DPP10: variants seen among roughly 807,000 people sequenced by gnomAD.
DPP10 encodes inactive dipeptidyl peptidase 10.
In DPP10, 33 loss-of-function variants were observed where a neutral mutation model predicts 120.9. The ratio of observed to expected loss-of-function variants is 0.27; its 90% confidence interval spans 0.21 to 0.37. The LOEUF is 0.37. DPP10 is among the 10% of genes least tolerant of loss of function. The pLI is 1.00. For synonymous variants in DPP10, 337 were observed against 326.1 expected (o/e 1.03, Z -0.36); for missense variants, 816 against 942.8 (o/e 0.87, Z 1.76).
intron 3 of DPP10, among the ~76,000 whole-genome samples, chr2:115,467,655 G>T (rs1436903754): frequency 3.3e-5 from 5 of 152,068 alleles, no homozygotes; most frequent in African/African-American, 1.2e-4. Context: ...TGATTTAACT[G>T]CTACCTGCAC....
At chr2:115,340,891 G>A (rs2063410226) in intron 2 of DPP10, among the ~76,000 whole-genome samples, 1 of 151,898 alleles carries the variant, frequency 6.6e-6, no homozygotes, top group Non-Finnish European at 1.5e-5. Context: ...TATCAAATAA[G>A]TCAATGTTTA....
At position 115,813,754 on chromosome 2, in the gene DPP10, G is replaced by A. The variant is rs374883989; in HGVS notation, c.1701-1039G>A. ...CTGTAGGAAATCTGATAACTTGAAAGCTTGTTATTGGAGATGATTTGTGTA... is the reference window on the plus strand; with the variant it reads ...CTGTAGGAAATCTGATAACTTGAAAACTTGTTATTGGAGATGATTTGTGTA... On this transcript the variant is annotated intron_variant, in intron 19 of 25. Transcript: ENST00000410059. 2.0e-5 allele frequency among the ~76,000 whole-genome samples: 3 copies of A among 152,174 alleles called. No homozygotes were observed. In the South Asian group the frequency reaches 6.2e-4, roughly 32 times the overall value.
intron 1 of DPP10, among the ~76,000 whole-genome samples, chr2:115,202,266 G>T (rs1366319451): frequency 6.6e-6 from 1 of 151,982 alleles, no homozygotes; most frequent in Non-Finnish European, 1.5e-5. Context: ...AAGCAATAAA[G>T]GCTACTGAAT....
intron 1 of DPP10, among the ~76,000 whole-genome samples, chr2:114,458,101 C>T (rs1410622085): frequency 2.0e-5 from 3 of 151,874 alleles, no homozygotes; most frequent in Non-Finnish European, 4.4e-5. Flanking sequence ...ATTTCATCAT[C>T]CATTCCTGGT....
At chr2:115,431,375 A>C (rs2070965025) in intron 3 of DPP10, among the ~76,000 whole-genome samples, 1 of 152,152 alleles carries the variant, frequency 6.6e-6, no homozygotes, top group African/African-American at 2.4e-5. Flanking sequence ...CCCATGGGGT[A>C]AGATAACCAT....
At position 115,220,897 on chromosome 2, in the gene DPP10, C is replaced by A. The variant is rs1433875605; in HGVS notation, c.61-88342C>A. Reference sequence around the variant, plus strand: ...TATTTCATATGTATACATATATATTCATATATCATATTTATTTTTATATTC... The same window carrying A: ...TATTTCATATGTATACATATATATTAATATATCATATTTATTTTTATATTC... On this transcript the variant is annotated intron_variant, in intron 1 of 25. Coordinates refer to ENST00000410059, the MANE Select transcript of DPP10 (RefSeq NM_020868.6). Among the ~76,000 whole-genome samples, 4 of 149,824 alleles carry A rather than the reference C, an allele frequency of 2.7e-5. No individual in the cohort carries two copies. The Admixed American group carries it at 2.7e-4, about 10-fold the overall frequency.
At chr2:114,488,658 G>A (rs1440044855) in intron 1 of DPP10, among the ~76,000 whole-genome samples, 1 of 152,200 alleles carries the variant, frequency 6.6e-6, no homozygotes, top group Non-Finnish European at 1.5e-5. Flanking sequence ...ATAGCCGTAC[G>A]ATAATTATTT....
intron 1 of DPP10, among the ~76,000 whole-genome samples, chr2:115,013,879 C>A (rs1702443324): frequency 6.6e-6 from 1 of 151,962 alleles, no homozygotes; most frequent in Admixed American, 6.6e-5. Context: ...ACTTAGACCC[C>A]CATGTAATAA....
In DPP10 at chr2:115,232,325, A is replaced by G. The variant is rs202216853; in HGVS notation, c.61-76914A>G. On this transcript the variant is annotated intron_variant, in intron 1 of 25. Transcript: ENST00000410059. ...GTTCTGAGCTTCACCATTTTTCTGG[A>G]AAAAAAAAAAGGTTTTTAGGTGCTT... Among the ~76,000 whole-genome samples, 5 of 46,984 alleles carry G rather than the reference A, an allele frequency of 1.1e-4. No individual in the cohort carries two copies. In the East Asian group the frequency reaches 2.6e-3, roughly 25 times the overall value. 30.8% of individuals were successfully genotyped at this position (46,984 alleles called of 152,430 possible).
chr2:115,231,588 G>T (rs1160878499), intron 1 of DPP10, among the ~76,000 whole-genome samples: 1 of 152,078 alleles, frequency 6.6e-6, no homozygotes, highest in African/African-American at 2.4e-5. Flanking sequence ...AGTTTAAATA[G>T]ATACAAGGAT....
intron 2 of DPP10, among the ~76,000 whole-genome samples, chr2:115,321,870 T>C (rs530413454): frequency 6.6e-6 from 1 of 152,344 alleles, no homozygotes; most frequent in South Asian, 2.1e-4. Context: ...AGAATTTCTG[T>C]GCATGTATGT....
chr2:115,162,128 T>C, intron 1 of DPP10: 5 of 1,523,910 alleles, frequency 3.3e-6, no homozygotes, highest in Non-Finnish European at 4.4e-6. Flanking sequence ...CGCGCCTCCC[T>C]CTTCTCACCC....
chr2:114,638,253 A>T (rs1268217667), intron 1 of DPP10, among the ~76,000 whole-genome samples: 1 of 151,702 alleles, frequency 6.6e-6, no homozygotes, highest in Non-Finnish European at 1.5e-5. Context: ...TGTAAATGAG[A>T]TGTGTTCTTG....
intron 1 of DPP10, among the ~76,000 whole-genome samples, chr2:114,978,510 A>C (rs1699890046): frequency 6.6e-6 from 1 of 152,122 alleles, no homozygotes; most frequent in South Asian, 2.1e-4. Context: ...ATAACAACAT[A>C]GGGATTCTCA....
intron 1 of DPP10, among the ~76,000 whole-genome samples, chr2:114,741,254 G>A (rs1029975820): frequency 5.9e-5 from 9 of 152,158 alleles, no homozygotes; most frequent in Non-Finnish European, 1.3e-4. Flanking sequence ...CAGAACCAAA[G>A]GAGAATATCT....
At position 115,236,178 on chromosome 2, in the gene DPP10, A is replaced by G. The variant is rs187275269; in HGVS notation, c.61-73061A>G. On this transcript the variant is annotated intron_variant, in intron 1 of 25. Transcript: ENST00000410059. ...TGACAGTATGCTATACATTGTCACT[A>G]AACCCCCAAAGAAAACTTAGAGGTA... 1.7e-3 allele frequency among the ~76,000 whole-genome samples: 252 copies of G among 152,332 alleles called. 2 individuals are homozygous for G. The highest frequency in any genetic ancestry group is 5.9e-3 in the African/African-American group (244 of 41,578).
At chr2:115,222,384 A>T (rs2057217106) in intron 1 of DPP10, among the ~76,000 whole-genome samples, 1 of 152,028 alleles carries the variant, frequency 6.6e-6, no homozygotes, top group Admixed American at 6.6e-5. Context: ...GAATTCTCAC[A>T]TGTTGGGAGG....
intron 1 of DPP10, among the ~76,000 whole-genome samples, chr2:115,069,099 A>G (rs746104403): frequency 1.2e-4 from 19 of 152,070 alleles, no homozygotes; most frequent in Non-Finnish European, 2.5e-4. Flanking sequence ...AAATAATACC[A>G]TTGGATTTTT....
chr2:114,799,399 T>C (rs1045217811), intron 1 of DPP10, among the ~76,000 whole-genome samples: 4 of 152,162 alleles, frequency 2.6e-5, no homozygotes, highest in Admixed American at 1.3e-4. Context: ...TATTCAGAAA[T>C]TGACAGTTCA....
Sources: gnomAD v4.1 joint callset for allele counts (sites outside exome capture counted in the v4.1 genomes callset) on GRCh38, gnomAD v4.1.1 for gene constraint, MANE v1.5 for transcripts, NCBI Gene and HGNC (gene_info 2026-07-23, HGNC 2026-07-21) for gene names.